Variants in XKR4 observed in about 807,000 individuals in gnomAD.
The protein encoded by XKR4 is XK related 4, also known as XK-related protein 4.
In XKR4, 12 loss-of-function variants were observed where a neutral mutation model predicts 53.9. The ratio of observed to expected loss-of-function variants is 0.22; its 90% CI spans 0.14 to 0.36. The LOEUF is 0.36. Among genes scored for constraint, XKR4 ranks in the 10% least tolerant of loss-of-function variants. XKR4 has a pLI of 1.00. For synonymous variants in XKR4, 354 were observed against 362.4 expected, an observed-to-expected ratio of 0.98 and a Z score of 0.26; for missense variants, 799 against 859.5, an observed-to-expected ratio of 0.93 and a Z score of 0.88.
At chr8:55,105,740 A>G (rs181733339) in intron 1 of XKR4, among the ~76,000 whole-genome samples, 1 of 152,228 alleles carries the variant, frequency 6.6e-6, no homozygotes, top group East Asian at 1.9e-4. Flanking sequence ...AATCAGCATC[A>G]TTTTCTGTTT....
intron 2 of XKR4, among the ~76,000 whole-genome samples, chr8:55,384,205 GAC>G (rs1481623013): frequency 1.3e-5 from 2 of 152,210 alleles, no homozygotes; most frequent in African/African-American, 4.8e-5. Context: ...TGAGGGTCAA[GAC>G]AGGAGCTCGG....
chr8:55,261,518 C>T (rs146385668), intron 1 of XKR4, among the ~76,000 whole-genome samples: 108 of 152,290 alleles, frequency 7.1e-4, no homozygotes, highest in African/African-American at 2.5e-3. Context: ...AATTCCTTTG[C>T]GCCCAAGCCA....
intron 2 of XKR4, among the ~76,000 whole-genome samples, chr8:55,464,353 T>A (rs1036061868): frequency 5.9e-5 from 9 of 152,230 alleles, no homozygotes; most frequent in Non-Finnish European, 1.3e-4. Flanking sequence ...ATCCAGCATA[T>A]AAACAGAACC....
intron 1 of XKR4, among the ~76,000 whole-genome samples, chr8:55,148,678 A>G (rs561136741): frequency 1.8e-4 from 28 of 152,308 alleles, no homozygotes; most frequent in African/African-American, 6.0e-4. Context: ...ATAATTTATT[A>G]TTTGTCTTTG....
At chr8:55,375,005 G>A (rs1804126326) in intron 2 of XKR4, among the ~76,000 whole-genome samples, 1 of 152,152 alleles carries the variant, frequency 6.6e-6, no homozygotes, top group Non-Finnish European at 1.5e-5. Context: ...CAGTAACAAG[G>A]GTGATGCCCC....
At chr8:55,522,568 C>A (rs1371983791) in intron 2 of XKR4, among the ~76,000 whole-genome samples, 1 of 152,180 alleles carries the variant, frequency 6.6e-6, no homozygotes, top group African/African-American at 2.4e-5. Flanking sequence ...ACCAGGTAGT[C>A]CCTAATTTCT....
chr8:55,298,892 C>A (rs1201568835), intron 1 of XKR4, among the ~76,000 whole-genome samples: 1 of 152,108 alleles, frequency 6.6e-6, no homozygotes, highest in East Asian at 1.9e-4. Context: ...TTTAATAATT[C>A]AGTGTGTATT....
At chr8:55,255,686 G>C (rs951981351) in intron 1 of XKR4, among the ~76,000 whole-genome samples, 1 of 152,026 alleles carries the variant, frequency 6.6e-6, no homozygotes, top group Non-Finnish European at 1.5e-5. Context: ...AAACATAAAA[G>C]TAAGCCCCTC....
At chr8:55,467,841 T>C (rs1056399959) in intron 2 of XKR4, among the ~76,000 whole-genome samples, 1 of 152,164 alleles carries the variant, frequency 6.6e-6, no homozygotes, top group Non-Finnish European at 1.5e-5. Flanking sequence ...CTAAGGGTAA[T>C]TATCTGTTAC....
chr8:55,437,235 G>A (rs557084551), intron 2 of XKR4, among the ~76,000 whole-genome samples: 2 of 151,934 alleles, frequency 1.3e-5, no homozygotes, highest in East Asian at 3.9e-4. Flanking sequence ...TTTTCACCAT[G>A]TTGGCAAGGC....
At chr8:55,303,003 G>A (rs191806376) in intron 1 of XKR4, among the ~76,000 whole-genome samples, 97,208 of 151,934 alleles carry the variant, frequency 0.64, 33,296 homozygotes, top group African/African-American at 0.89. Context: ...TCTCCTGCCT[G>A]ATTGCCCTGG....
chr8:55,455,262 G>A (rs547545876), intron 2 of XKR4: 7 of 167,728 alleles, frequency 4.2e-5, no homozygotes, highest in Admixed American at 1.3e-4. Context: ...GGCCGCAGCG[G>A]CTGCGGCTGC....
At chr8:55,296,673 T>G (rs1819105824) in intron 1 of XKR4, among the ~76,000 whole-genome samples, 1 of 151,972 alleles carries the variant, frequency 6.6e-6, no homozygotes, top group South Asian at 2.1e-4. Context: ...TGAGCTCCTG[T>G]TGAGATTAGA....
chr8:55,294,458 T>A (rs1232203471), intron 1 of XKR4, among the ~76,000 whole-genome samples: 1 of 152,176 alleles, frequency 6.6e-6, no homozygotes, highest in Non-Finnish European at 1.5e-5. Flanking sequence ...GATGGTGTCT[T>A]CCCTGGGCTA....
chr8:55,454,071 C>G (rs750472796), intron 2 of XKR4: 19 of 825,854 alleles, frequency 2.3e-5, no homozygotes, highest in Non-Finnish European at 3.5e-5. Flanking sequence ...AGCCGCAGCT[C>G]TTTGTCCTGC....
At chr8:55,275,908 G>T (rs1482754936) in intron 1 of XKR4, among the ~76,000 whole-genome samples, 1 of 152,188 alleles carries the variant, frequency 6.6e-6, no homozygotes, top group Non-Finnish European at 1.5e-5. Context: ...ACCTGGGCCA[G>T]CCTTGCTAAG....
rs770757277 is a variant in XKR4, at chr8:55,528,276, C to G, written c.*4049C>G. On this transcript the variant is annotated 3_prime_UTR_variant, in exon 3 of 3. Coordinates refer to ENST00000327381, the MANE Select transcript of XKR4 (RefSeq NM_052898.2). ...GAGTTTTATCACTTCTTAAGGATCT[C>G]ATCTTTTAAACAGCTGAATAAAATA... is the stretch of plus-strand genomic sequence containing the variant. The G allele has an allele frequency of 1.3e-5, 2 of 152,216 alleles. No individual in the cohort carries two copies. Among genetic ancestry groups the G allele is most frequent in the Non-Finnish European group, 2.9e-5 (2 of 68,044 alleles). 9.4% of individuals were successfully genotyped at this position (152,216 alleles called of 1,614,324 possible).
At chr8:55,401,356 G>A (rs937313583) in intron 2 of XKR4, among the ~76,000 whole-genome samples, 2 of 152,226 alleles carry the variant, frequency 1.3e-5, no homozygotes, top group African/African-American at 4.8e-5. Flanking sequence ...CTTCAGGAGA[G>A]GAAAGGAAAG....
chr8:55,314,378 T>C (rs1173637616), intron 1 of XKR4, among the ~76,000 whole-genome samples: 2 of 151,976 alleles, frequency 1.3e-5, no homozygotes, highest in Non-Finnish European at 2.9e-5. Flanking sequence ...TTCTCTGGGC[T>C]AAAGAAACCC....
Sources: gnomAD v4.1 joint callset for allele counts (sites outside exome capture counted in the v4.1 genomes callset) on GRCh38, gnomAD v4.1.1 for gene constraint, MANE v1.5 for transcripts, NCBI Gene and HGNC (gene_info 2026-07-23, HGNC 2026-07-21) for gene names.